The following CSMD1 variants were observed in gnomAD, a reference collection of about 807,000 sequenced individuals.
The protein encoded by CSMD1 is CUB and Sushi multiple domains 1.
In CSMD1, 213 loss-of-function variants were observed where a neutral mutation model predicts 417.5. The observed-to-expected ratio is 0.51, with a 90% CI of 0.46 to 0.57. CSMD1 has a LOEUF of 0.57. Among genes scored for constraint, CSMD1 ranks in the 20% least tolerant of loss-of-function variants. The pLI is 0.00. For synonymous variants in CSMD1, 2,862 were observed against 1,736.8 expected, an observed-to-expected ratio of 1.65 and a Z score of -16.11; for missense variants, 6,923 against 4,529.7, an observed-to-expected ratio of 1.53 and a Z score of -15.17.
chr8:4,672,816 A>C (rs763557424), intron 1 of CSMD1, among the ~76,000 whole-genome samples: 30 of 151,944 alleles, frequency 2.0e-4, no homozygotes, highest in Admixed American at 2.6e-4. Context: ...ATGGTAACAA[A>C]ACACACACAC....
At chr8:4,600,726 G>A (rs913041370) in intron 2 of CSMD1, among the ~76,000 whole-genome samples, 2 of 152,134 alleles carry the variant, frequency 1.3e-5, no homozygotes, top group Non-Finnish European at 2.9e-5. Context: ...GAAAGACAGA[G>A]GGTGTAAACT....
intron 1 of CSMD1, among the ~76,000 whole-genome samples, chr8:4,927,869 A>G (rs1293415927): frequency 6.6e-6 from 1 of 152,206 alleles, no homozygotes; most frequent in Non-Finnish European, 1.5e-5. Flanking sequence ...GAATTCTACC[A>G]AGATTCCCCA....
At chr8:4,033,101 A>G (rs1051103420) in intron 3 of CSMD1, among the ~76,000 whole-genome samples, 2 of 145,598 alleles carry the variant, frequency 1.4e-5, no homozygotes, top group South Asian at 2.2e-4. Flanking sequence ...TTAGACAATA[A>G]CTTAACTCTT....
chr8:4,736,841 G>A (rs1445772480), intron 1 of CSMD1, among the ~76,000 whole-genome samples: 1 of 152,144 alleles, frequency 6.6e-6, no homozygotes, highest in Non-Finnish European at 1.5e-5. Flanking sequence ...TGTGGGGTAA[G>A]AAAATAGCTC....
chr8:4,966,506 G>C (rs911394142), intron 1 of CSMD1, among the ~76,000 whole-genome samples: 1 of 152,138 alleles, frequency 6.6e-6, no homozygotes, highest in South Asian at 2.1e-4. Flanking sequence ...GGCCCTTAAG[G>C]GGCTGCAGAC....
chr8:4,922,714 T>C (rs1249398477), intron 1 of CSMD1, among the ~76,000 whole-genome samples: 1 of 152,120 alleles, frequency 6.6e-6, no homozygotes, highest in African/African-American at 2.4e-5. Flanking sequence ...ACCAGCCCAT[T>C]ATATGCATTC....
chr8:3,801,737 G>A (rs114788211), intron 5 of CSMD1, among the ~76,000 whole-genome samples: 3 of 152,112 alleles, frequency 2.0e-5, no homozygotes, highest in Non-Finnish European at 4.4e-5. Flanking sequence ...TTCACCAACT[G>A]ATGACTCTGG....
intron 3 of CSMD1, among the ~76,000 whole-genome samples, chr8:4,399,634 A>T (rs1804512498): frequency 6.6e-6 from 1 of 152,100 alleles, no homozygotes; most frequent in Non-Finnish European, 1.5e-5. Context: ...AGATGTCAAC[A>T]ATGTGAATTT....
intron 41 of CSMD1, among the ~76,000 whole-genome samples, chr8:3,126,754 T>G (rs894375724): frequency 1.2e-4 from 19 of 152,214 alleles, no homozygotes; most frequent in Non-Finnish European, 2.5e-4. Context: ...TCCCAGCACC[T>G]GCTTATGAAG....
chr8:3,612,047 T>C (rs1435238354), intron 8 of CSMD1, among the ~76,000 whole-genome samples: 22 of 152,112 alleles, frequency 1.4e-4, no homozygotes, highest in Admixed American at 1.4e-3. Context: ...AACTGGATTT[T>C]TAAAAATATT....
At chr8:3,482,383 T>C (rs933010903) in intron 11 of CSMD1, among the ~76,000 whole-genome samples, 1 of 152,150 alleles carries the variant, frequency 6.6e-6, no homozygotes, top group African/African-American at 2.4e-5. Context: ...TGTTAATATC[T>C]GACAAAGTAG....
At chr8:4,772,508 C>G (rs1192102048) in intron 1 of CSMD1, among the ~76,000 whole-genome samples, 2 of 152,156 alleles carry the variant, frequency 1.3e-5, no homozygotes, top group Non-Finnish European at 2.9e-5. Flanking sequence ...TTCACAGGAT[C>G]TGGTATTACA....
chr8:4,644,247 T>A (rs1231313555), intron 1 of CSMD1, among the ~76,000 whole-genome samples: 1 of 152,140 alleles, frequency 6.6e-6, no homozygotes, highest in Non-Finnish European at 1.5e-5. Context: ...CCACGCTTGT[T>A]CCCACCCCAG....
At chr8:4,975,992 A>T (rs1030702521) in intron 1 of CSMD1, among the ~76,000 whole-genome samples, 19 of 152,206 alleles carry the variant, frequency 1.2e-4, no homozygotes, top group Non-Finnish European at 2.4e-4. Context: ...TGTACAACAG[A>T]CACTCAACCC....
At chr8:3,998,663 A>G (rs746315653) in intron 4 of CSMD1, among the ~76,000 whole-genome samples, 2 of 152,198 alleles carry the variant, frequency 1.3e-5, no homozygotes, top group Non-Finnish European at 2.9e-5. Flanking sequence ...AAACAGTTAC[A>G]TGAAACTTAA....
At chr8:3,093,433 G>A (rs898963540) in intron 47 of CSMD1, among the ~76,000 whole-genome samples, 3 of 152,178 alleles carry the variant, frequency 2.0e-5, no homozygotes, top group Admixed American at 2.0e-4. Flanking sequence ...TTGGGAGGTA[G>A]AGGCGAGTGG....
At chr8:4,333,040 A>G (rs2128891624) in intron 3 of CSMD1, among the ~76,000 whole-genome samples, 1 of 152,236 alleles carries the variant, frequency 6.6e-6, no homozygotes, top group East Asian at 1.9e-4. Context: ...ACACACAGCA[A>G]CCATTTTAAA....
chr8:4,295,748 GTGTATATATATA>G (rs1365000079), intron 3 of CSMD1, among the ~76,000 whole-genome samples: 3 of 7,768 alleles, frequency 3.9e-4, no homozygotes, highest in African/African-American at 1.9e-3. Flanking sequence ...ATATGTGTGT[GTGTATATATATA>G]TATATATATA....
At chr8:3,407,826 A>T (rs555860017) in intron 14 of CSMD1, 73 bp downstream of exon 14, 187 of 1,313,390 alleles carry the variant, frequency 1.4e-4, no homozygotes, top group Admixed American at 3.4e-4. Context: ...GCAACTTCAC[A>T]TACATATAAG....
Sources: allele counts gnomAD v4.1 joint callset (sites outside exome capture counted in the v4.1 genomes callset), GRCh38; gene constraint gnomAD v4.1.1; transcripts MANE v1.5; gene names NCBI Gene and HGNC (gene_info 2026-07-23, HGNC 2026-07-21).